The following NPSR1 variants were observed in gnomAD, a reference collection of about 807,000 sequenced individuals.
NPSR1 encodes neuropeptide S receptor 1, also known as neuropeptide S receptor.
In NPSR1, 48 loss-of-function variants were observed where a neutral mutation model predicts 46.9. The ratio of observed to expected loss-of-function variants is 1.02; its 90% CI spans 0.81 to 1.30. NPSR1 has a LOEUF of 1.30. NPSR1 is among the 50% of genes most tolerant of loss of function. NPSR1 has a pLI of 0.00. For missense variants in NPSR1, 450 were observed against 449.5 expected (o/e 1.00, Z -0.01); for synonymous variants, 176 against 168.1 (o/e 1.05, Z -0.36).
At chr7:34,811,370 C>T (rs1230151225) in intron 3 of NPSR1, among the ~76,000 whole-genome samples, 1 of 151,408 alleles carries the variant, frequency 6.6e-6, no homozygotes, top group African/African-American at 2.4e-5. Context: ...GTGTTCAGAC[C>T]CTCCTTCTCT....
At chr7:34,678,552 C>T (rs1175083888) in intron 1 of NPSR1, among the ~76,000 whole-genome samples, 1 of 152,066 alleles carries the variant, frequency 6.6e-6, no homozygotes, top group African/African-American at 2.4e-5. Context: ...AGTGGCCGGG[C>T]GCGGTGGCTC....
chr7:34,787,009 A>G (rs1055432218), intron 3 of NPSR1, among the ~76,000 whole-genome samples: 2 of 152,260 alleles, frequency 1.3e-5, no homozygotes, highest in African/African-American at 2.4e-5. Context: ...GCTGTTAAAA[A>G]GAATATCATG....
At chr7:34,693,949 A>G (rs1722459485) in intron 2 of NPSR1, among the ~76,000 whole-genome samples, 1 of 152,204 alleles carries the variant, frequency 6.6e-6, no homozygotes, top group South Asian at 2.1e-4. Context: ...ATAAAATCCA[A>G]CATCTTTTGA....
chr7:34,783,691 T>C (rs1787334372), intron 3 of NPSR1, among the ~76,000 whole-genome samples: 3 of 151,718 alleles, frequency 2.0e-5, no homozygotes, highest in Admixed American at 2.0e-4. Flanking sequence ...TTAATGAAAA[T>C]AAGACTACAC....
At chr7:34,792,727 A>G (rs369107995) in intron 3 of NPSR1, among the ~76,000 whole-genome samples, 494 of 80,184 alleles carry the variant, frequency 6.2e-3, no homozygotes, top group East Asian at 0.018. Flanking sequence ...ATATATATAT[A>G]TATATATTAG....
intron 6 of NPSR1, among the ~76,000 whole-genome samples, chr7:34,843,051 T>G (rs1249208142): frequency 1.3e-5 from 2 of 152,202 alleles, no homozygotes; most frequent in African/African-American, 4.8e-5. Flanking sequence ...CTTGGAATCC[T>G]TCTTATGTCA....
At chr7:34,751,736 T>A (rs778847108) in intron 2 of NPSR1, 1 of 1,585,698 alleles carries the variant, frequency 6.3e-7, no homozygotes, top group Non-Finnish European at 8.7e-7. Context: ...TCCCCCTGAC[T>A]GGTTCTCTTC....
At chr7:34,875,028 C>T (rs1225656588) in intron 8 of NPSR1, among the ~76,000 whole-genome samples, 7 of 152,208 alleles carry the variant, frequency 4.6e-5, no homozygotes, top group Non-Finnish European at 8.8e-5. Flanking sequence ...AGCTTAATTG[C>T]CTGCTTCCAC....
intron 2 of NPSR1, among the ~76,000 whole-genome samples, chr7:34,733,141 G>A (rs558582464): frequency 5.0e-4 from 76 of 152,286 alleles, no homozygotes; most frequent in Non-Finnish European, 9.8e-4. Context: ...ATCCATGCAG[G>A]CCAGGTGCAG....
At chr7:34,836,864 T>C (rs1315008540) in intron 6 of NPSR1, among the ~76,000 whole-genome samples, 1 of 152,166 alleles carries the variant, frequency 6.6e-6, no homozygotes, top group Non-Finnish European at 1.5e-5. Flanking sequence ...AATAATTATA[T>C]AGCCATACAA....
intron 4 of NPSR1, among the ~76,000 whole-genome samples, chr7:34,813,207 T>C (rs1168172118): frequency 2.0e-5 from 3 of 152,200 alleles, no homozygotes; most frequent in Non-Finnish European, 4.4e-5. Context: ...CTAACTAGTC[T>C]ATGGAAGAAG....
chr7:34,684,370 G>A (rs1467876422), intron 1 of NPSR1, among the ~76,000 whole-genome samples, 182 bp from the exon 2 acceptor site: 2 of 152,158 alleles, frequency 1.3e-5, no homozygotes, highest in Non-Finnish European at 2.9e-5. Flanking sequence ...TTTAAAAGGT[G>A]CATTAATTTA....
At chr7:34,814,340 G>A (rs1789138818) in intron 4 of NPSR1, among the ~76,000 whole-genome samples, 2 of 152,246 alleles carry the variant, frequency 1.3e-5, no homozygotes, top group African/African-American at 2.4e-5. Context: ...GGCTAGGGGA[G>A]GAGCGTCCAC....
At chr7:34,777,605 T>C (rs1787027915) in intron 2 of NPSR1, among the ~76,000 whole-genome samples, 1 of 151,806 alleles carries the variant, frequency 6.6e-6, no homozygotes, top group Non-Finnish European at 1.5e-5. Flanking sequence ...GTGTAGATAG[T>C]TGCTAAATTA....
At chr7:34,703,980 A>G (rs1458558633) in intron 2 of NPSR1, 1 of 152,212 alleles carries the variant, frequency 6.6e-6, no homozygotes, top group East Asian at 1.9e-4. Flanking sequence ...ATCTTCTCAT[A>G]TTGGGAAAGG....
intron 7 of NPSR1, among the ~76,000 whole-genome samples, chr7:34,846,691 A>T (rs1290458387): frequency 6.6e-6 from 1 of 152,176 alleles, no homozygotes; most frequent in African/African-American, 2.4e-5. Context: ...ACTGTCAGTG[A>T]CTTGATTTTC....
At chr7:34,686,206 G>T (rs1792922566) in intron 2 of NPSR1, 1 of 152,312 alleles carries the variant, frequency 6.6e-6, no homozygotes, top group African/African-American at 2.4e-5. Context: ...CATCATCGTT[G>T]TATTAATCTG....
intron 3 of NPSR1, among the ~76,000 whole-genome samples, chr7:34,798,364 G>A (rs184413316): frequency 4.9e-4 from 74 of 152,136 alleles, no homozygotes; most frequent in African/African-American, 1.6e-3. Flanking sequence ...GTGAAACCCC[G>A]TGTCTACTAA....
At position 34,691,889 on chromosome 7, in the gene NPSR1, T is replaced by C. The variant is rs543026636; in HGVS notation, c.280+7205T>C. Among the ~76,000 whole-genome samples the C allele has an allele frequency of 5.3e-5, 8 of 152,254 alleles. No homozygotes were observed. The East Asian group carries it at 1.5e-3, about 29-fold the overall frequency. ...CCAGCACTTTGAGGGGCTGAGGTGG[T>C]AGGATTGTTTGAGGCCAGTTGTTCA... On this transcript the variant is annotated intron_variant, in intron 2 of 8. Coordinates refer to ENST00000360581, the MANE Select transcript of NPSR1 (RefSeq NM_207172.2).
Sources: allele counts gnomAD v4.1 joint callset (sites outside exome capture counted in the v4.1 genomes callset), GRCh38; gene constraint gnomAD v4.1.1; transcripts MANE v1.5; gene names NCBI Gene and HGNC (gene_info 2026-07-23, HGNC 2026-07-21).